ZNF521: variants seen among roughly 807,000 people sequenced by gnomAD.
ZNF521 encodes the protein LYST-interacting protein 3.
A neutral mutation model predicts 105.5 loss-of-function variants in ZNF521; 14 were observed. The ratio of observed to expected loss-of-function variants is 0.13; its 90% confidence interval spans 0.09 to 0.21. ZNF521 has a LOEUF of 0.21. Among genes scored for constraint, ZNF521 ranks in the 10% least tolerant of loss-of-function variants. The pLI, the probability that ZNF521 is intolerant of heterozygous loss-of-function variation, is 1.00. For synonymous variants in ZNF521, 635 were observed against 606.0 expected (o/e 1.05, Z -0.70); for missense variants, 1,233 against 1,629.7 (o/e 0.76, Z 4.19).
intron 3 of ZNF521, among the ~76,000 whole-genome samples, chr18:25,294,177 T>C (rs895688128): frequency 1.9e-4 from 29 of 152,222 alleles, no homozygotes; most frequent in Admixed American, 8.5e-4. Flanking sequence ...AAAGAGGAAT[T>C]CACAAATGAT....
At chr18:25,305,374 G>T (rs1013553996) in intron 3 of ZNF521, among the ~76,000 whole-genome samples, 2 of 152,084 alleles carry the variant, frequency 1.3e-5, no homozygotes, top group African/African-American at 2.4e-5. Context: ...AAATAAATAA[G>T]CTACAAGGAT....
intron 5 of ZNF521, among the ~76,000 whole-genome samples, chr18:25,183,186 T>C (rs2035662220): frequency 6.6e-6 from 1 of 152,156 alleles, no homozygotes; most frequent in South Asian, 2.1e-4. Context: ...CCTAATTTGA[T>C]TTGATAATAT....
chr18:25,311,678 A>G (rs1912317661), intron 3 of ZNF521, among the ~76,000 whole-genome samples: 3 of 152,190 alleles, frequency 2.0e-5, no homozygotes, highest in Admixed American at 1.3e-4. Flanking sequence ...ATTACCATCA[A>G]TGACCATCAA....
chr18:25,103,857 C>A (rs2034018909), intron 5 of ZNF521, among the ~76,000 whole-genome samples: 1 of 151,834 alleles, frequency 6.6e-6, no homozygotes, highest in Non-Finnish European at 1.5e-5. Context: ...GAAGGAAAGA[C>A]AAAAGACTCG....
intron 5 of ZNF521, among the ~76,000 whole-genome samples, chr18:25,184,316 T>C (rs1315538933): frequency 6.6e-6 from 1 of 152,186 alleles, no homozygotes; most frequent in Non-Finnish European, 1.5e-5. Context: ...TCTTTGACGA[T>C]GTATTTTTCT....
chr18:25,275,427 A>C (rs913988763), intron 3 of ZNF521, among the ~76,000 whole-genome samples: 27 of 152,210 alleles, frequency 1.8e-4, no homozygotes, highest in African/African-American at 6.3e-4. Flanking sequence ...AATGAAAACG[A>C]ATGTACAGAA....
chr18:25,225,134 C>A lies in ZNF521; in HGVS notation c.2784G>T (p.Gly928=). The change falls in exon 4 of 8, where the codon GGG becomes GGT. Residue 928 remains glycine (G), a synonymous_variant. Transcript: ENST00000361524. The surrounding 1 kb of genome is among the most constrained non-coding windows in gnomAD (Gnocchi z 5.6). ...GAGAGCACACGTTGCACTTGTAATT[C>A]CCTTTAATGAGCTCAGCTTTCTTTT... ...IVKKKAELIK[G]NYKCNVCSRT... 6.2e-7 allele frequency: 1 copy of A among 1,614,124 alleles called. No individual in the cohort carries two copies. The highest frequency in any genetic ancestry group is 1.1e-5 in the South Asian group (1 of 91,066).
chr18:25,277,734 T>C (rs1484994692), intron 3 of ZNF521, among the ~76,000 whole-genome samples: 1 of 152,166 alleles, frequency 6.6e-6, no homozygotes, highest in East Asian at 1.9e-4. Context: ...CCATACTAAA[T>C]AGAAACATTA....
intron 5 of ZNF521, among the ~76,000 whole-genome samples, chr18:25,102,229 G>A (rs1425633030): frequency 6.6e-6 from 1 of 151,968 alleles, no homozygotes; most frequent in Non-Finnish European, 1.5e-5. Context: ...AGAATTGGCT[G>A]GCTACTATTT....
intron 2 of ZNF521, among the ~76,000 whole-genome samples, chr18:25,332,229 T>G (rs563336343): frequency 1.1e-4 from 17 of 150,684 alleles, no homozygotes; most frequent in African/African-American, 2.2e-4. Context: ...CTTAGGAAGA[T>G]AAGAAAGCAT....
At chr18:25,166,736 T>C (rs527791927) in intron 5 of ZNF521, among the ~76,000 whole-genome samples, 2 of 152,344 alleles carry the variant, frequency 1.3e-5, no homozygotes, top group Admixed American at 6.5e-5. Flanking sequence ...TGAATTATTA[T>C]AGAAAACATA....
At chr18:25,191,714 T>A (rs1480717635) in intron 5 of ZNF521, among the ~76,000 whole-genome samples, 1 of 152,210 alleles carries the variant, frequency 6.6e-6, no homozygotes, top group Non-Finnish European at 1.5e-5. Flanking sequence ...AACAGCCCTT[T>A]ATTCAGAGCA....
chr18:25,105,845 G>A (rs1355156081), intron 5 of ZNF521, among the ~76,000 whole-genome samples: 2 of 152,176 alleles, frequency 1.3e-5, no homozygotes, highest in East Asian at 1.9e-4. Context: ...AGGAAGATAG[G>A]AGATCATCCA....
At chr18:25,188,724 G>A (rs542413615) in intron 5 of ZNF521, among the ~76,000 whole-genome samples, 27 of 152,148 alleles carry the variant, frequency 1.8e-4, no homozygotes, top group Non-Finnish European at 3.2e-4. Context: ...TCACATGGCC[G>A]TAACCAACTG....
intron 2 of ZNF521, among the ~76,000 whole-genome samples, chr18:25,343,352 T>C (rs35229126): frequency 0.35 from 52,590 of 152,078 alleles, 9,391 homozygotes; most frequent in East Asian, 0.66. Flanking sequence ...AATTTTTCCC[T>C]TAAAACATTA....
chr18:25,275,658 T>C (rs1909981950), intron 3 of ZNF521, among the ~76,000 whole-genome samples: 1 of 152,132 alleles, frequency 6.6e-6, no homozygotes, highest in African/African-American at 2.4e-5. Context: ...TCTTTCCTTC[T>C]CCCCATCAGC....
intron 7 of ZNF521, among the ~76,000 whole-genome samples, chr18:25,065,867 G>A (rs34719007): frequency 0.34 from 51,298 of 152,050 alleles, 8,975 homozygotes; most frequent in East Asian, 0.45. Flanking sequence ...AGCCATACAA[G>A]TCTCTTCAGA....
At chr18:25,197,759 T>C (rs1331537185) in intron 4 of ZNF521, among the ~76,000 whole-genome samples, 3 of 151,964 alleles carry the variant, frequency 2.0e-5, no homozygotes, top group Middle Eastern at 3.4e-3. Flanking sequence ...CATTGTCTAA[T>C]ATGACAATTA....
At chr18:25,350,837 G>C (rs1914717464) in intron 2 of ZNF521, 70 bp downstream of exon 2, 1 of 1,512,544 alleles carries the variant, frequency 6.6e-7, no homozygotes, top group African/African-American at 1.4e-5. Context: ...CAGCCACGCA[G>C]CCCTCGCTCC....
Sources: gnomAD v4.1 joint callset for allele counts (sites outside exome capture counted in the v4.1 genomes callset) on GRCh38, gnomAD v4.1.1 for gene constraint, Gnocchi (gnomAD v3.1) non-coding constraint, MANE v1.5 for transcripts, NCBI Gene and HGNC (gene_info 2026-07-23, HGNC 2026-07-21) for gene names.